SPPL2A: variants seen among roughly 807,000 people sequenced by gnomAD.
SPPL2A encodes the protein signal peptide peptidase-like 2A.
In SPPL2A, 51 loss-of-function variants were observed where a neutral mutation model predicts 63.8. The observed-to-expected ratio is 0.80, with a 90% CI of 0.64 to 1.01. SPPL2A has a LOEUF of 1.01. Ranked by LOEUF, SPPL2A falls within the 50% of genes least tolerant of loss-of-function variation. The pLI, the probability that SPPL2A is intolerant of heterozygous loss-of-function variation, is 0.00. For missense variants in SPPL2A, 553 were observed against 622.7 expected, an observed-to-expected ratio of 0.89 and a Z score of 1.19; for synonymous variants, 188 against 205.8, an observed-to-expected ratio of 0.91 and a Z score of 0.74.
chr15:50,720,168 A>G lies in SPPL2A; in HGVS notation c.1328-68T>C, dbSNP rs2062633410. On this transcript the variant is annotated intron_variant, in intron 13 of 14. Coordinates refer to ENST00000261854, the MANE Select transcript of SPPL2A (RefSeq NM_032802.4). Reference sequence around the variant, plus strand: ...CCAAAGGTGGGTTTTTTCCTCTGTCATTTATGTACTGGTTTTCAAACATTT... The same window carrying G: ...CCAAAGGTGGGTTTTTTCCTCTGTCGTTTATGTACTGGTTTTCAAACATTT... 4.9e-6 allele frequency: 6 copies of G among 1,233,432 alleles called. 1 individual carries two copies. In the South Asian group the frequency reaches 9.1e-5, roughly 19 times the overall value. The allele number at this position is 1,233,432 out of a possible 1,614,324, so 76.4% of individuals were successfully genotyped here.
At chr15:50,734,788 C>A (rs997288537) in intron 8 of SPPL2A, among the ~76,000 whole-genome samples, 1 of 151,996 alleles carries the variant, frequency 6.6e-6, no homozygotes, top group African/African-American at 2.4e-5. Flanking sequence ...ACATGTATCC[C>A]GTAAATATAT....
Position 50,702,671 on chromosome 15 carries a change from A to G in SPPL2A, c.*5129T>C, listed in dbSNP as rs1328791935. 4 of 152,246 alleles carry G rather than the reference A, an allele frequency of 2.6e-5. No individual in the cohort carries two copies. The highest frequency in any genetic ancestry group is 9.6e-5 in the African/African-American group (4 of 41,474). The allele number at this position is 152,246 out of a possible 1,614,324, so 9.4% of individuals were successfully genotyped here. A position where few individuals can be genotyped will look rare whatever the true frequency, so the allele number is the denominator to read the frequency against. ...AAGATTCATATTCCAAAGGAATAGA[A>G]AAGCTGTTTGCAATACTTTTTATGC... On this transcript the variant is annotated 3_prime_UTR_variant, in exon 15 of 15. Transcript: ENST00000261854.
At chr15:50,743,374 T>G (rs2062836834) in intron 5 of SPPL2A, 7 of 152,298 alleles carry the variant, frequency 4.6e-5, no homozygotes, top group Non-Finnish European at 4.4e-5. Context: ...GAGATAGGAT[T>G]TTGCTCTGCT....
intron 12 of SPPL2A, among the ~76,000 whole-genome samples, chr15:50,723,305 G>A (rs28831840): frequency 0.16 from 24,488 of 151,910 alleles, 2,529 homozygotes; most frequent in East Asian, 0.45. Context: ...CCCACTACTG[G>A]GTATATATCC....
At chr15:50,741,590 T>A (rs2062820777) in intron 5 of SPPL2A, among the ~76,000 whole-genome samples, 4 of 150,318 alleles carry the variant, frequency 2.7e-5, no homozygotes, top group Admixed American at 2.6e-4. Flanking sequence ...TAATTCAATA[T>A]CTATTCATAG....
rs971558655 is a variant in SPPL2A at position 50,765,520 on chromosome 15, C to T, written c.14G>A (p.Arg5Gln). 2.4e-5 allele frequency: 36 copies of T among 1,498,562 alleles called. No homozygotes were observed. Among genetic ancestry groups the T allele is most frequent in the Non-Finnish European group, 2.9e-5 (33 of 1,131,648 alleles). 92.8% of individuals were successfully genotyped at this position (1,498,562 alleles called of 1,614,324 possible). A position where few individuals can be genotyped will look rare whatever the true frequency, so the allele number is the denominator to read the frequency against. The change falls in exon 1 of 15, where the codon CGG becomes CAG. Residue 5 changes from arginine (R) to glutamine (Q), a missense_variant. Transcript: ENST00000261854. MGPQRRLSPAGAALL... is the reference protein window; with the variant it reads MGPQQRLSPAGAALL... ...GGCGGCCCCGGCAGGGGACAGCCGC[C>T]GCTGCGGCCCCATCGGACTGGTGGG...
At chr15:50,758,154 T>C (rs2141061815) in intron 1 of SPPL2A, among the ~76,000 whole-genome samples, 1 of 150,542 alleles carries the variant, frequency 6.6e-6, no homozygotes, top group Non-Finnish European at 1.5e-5. Context: ...CCAGGCAATG[T>C]GGTGGACGCC....
At chr15:50,736,779 G>A in intron 6 of SPPL2A, 39 bp from the exon 7 acceptor site, 1 of 982,736 alleles carries the variant, frequency 1.0e-6, no homozygotes, top group Admixed American at 1.9e-5. Context: ...GAGAACAGAA[G>A]GAAAGGTGAT....
chr15:50,708,755 T>C (rs2062533785), intron 14 of SPPL2A, among the ~76,000 whole-genome samples: 2 of 150,420 alleles, frequency 1.3e-5, no homozygotes, highest in Admixed American at 1.3e-4. Context: ...AATTATCAGC[T>C]GGGCACGGTG....
chr15:50,746,436 C>CAAAAAA (rs71127139), intron 5 of SPPL2A, among the ~76,000 whole-genome samples: 3 of 87,048 alleles, frequency 3.4e-5, no homozygotes, highest in African/African-American at 3.9e-5. Flanking sequence ...GACTCTGTAT[C>CAAAAAA]AAAAAAAAAA....
chr15:50,710,330 T>A (rs113570839), intron 14 of SPPL2A, among the ~76,000 whole-genome samples: 1 of 152,136 alleles, frequency 6.6e-6, no homozygotes, highest in Non-Finnish European at 1.5e-5. Flanking sequence ...AATCCCCAGG[T>A]ACCTCACTGG....
At chr15:50,740,427 C>CAAAAAAAAAAA (rs34361362) in intron 5 of SPPL2A, among the ~76,000 whole-genome samples, 5 of 60,042 alleles carry the variant, frequency 8.3e-5, no homozygotes, top group African/African-American at 1.4e-4. Context: ...AACTCCGTCT[C>CAAAAAAAAAAA]AAAAAAAAAA....
intron 5 of SPPL2A, among the ~76,000 whole-genome samples, chr15:50,743,996 G>A (rs1057486775): frequency 1.6e-4 from 24 of 151,854 alleles, no homozygotes; most frequent in African/African-American, 5.5e-4. Context: ...CCAACATGGC[G>A]AAACCCCATC....
chr15:50,753,405 T>A (rs955788034), intron 1 of SPPL2A, among the ~76,000 whole-genome samples: 22 of 152,210 alleles, frequency 1.4e-4, no homozygotes, highest in Admixed American at 1.2e-3. Flanking sequence ...TTCTCATAGA[T>A]ATTGCATAGC....
chr15:50,704,254 A>C lies in SPPL2A; in HGVS notation c.*3546T>G, dbSNP rs1357840867. 1 of 148,602 alleles carries C rather than the reference A, an allele frequency of 6.7e-6. No homozygotes were observed. Among genetic ancestry groups the C allele is most frequent in the Admixed American group, 6.8e-5 (1 of 14,662 alleles). 9.2% of individuals were successfully genotyped at this position (148,602 alleles called of 1,614,324 possible). A position where few individuals can be genotyped will look rare whatever the true frequency, so the allele number is the denominator to read the frequency against. On this transcript the variant is annotated 3_prime_UTR_variant, in exon 15 of 15. Transcript: ENST00000261854. ...CTACTCAGGAGGCTGAGTCAGGAGA[A>C]TTGCTTGAACCCGGGAGTCGGAGAT...
In SPPL2A at chr15:50,725,328, TC is replaced by T; in HGVS notation, c.1147-6del. The T allele has an allele frequency of 6.7e-7, 1 of 1,484,584 alleles. No homozygotes were observed. The highest frequency in any genetic ancestry group is 9.2e-7 in the Non-Finnish European group (1 of 1,088,744). The allele number at this position is 1,484,584 out of a possible 1,614,324, so 92.0% of individuals were successfully genotyped here. A position where few individuals can be genotyped will look rare whatever the true frequency, so the allele number is the denominator to read the frequency against. ...TACTCTGATGACTACTGGCAACTGT[TC>T]AAAAACAAAACAAAACAAAACAAAA... On this transcript the variant is annotated splice_polypyrimidine_tract_variant and splice_region_variant and intron_variant, in intron 11 of 14. Transcript: ENST00000261854.
At chr15:50,736,880 T>A (rs1403701344) in intron 6 of SPPL2A, 140 bp from the exon 7 acceptor site, 2 of 509,696 alleles carry the variant, frequency 3.9e-6, no homozygotes, top group African/African-American at 3.9e-5. Flanking sequence ...CCTGAATTAC[T>A]TACTAAGCTG....
intron 1 of SPPL2A, among the ~76,000 whole-genome samples, chr15:50,759,530 T>G (rs1264669145): frequency 1.3e-5 from 2 of 152,002 alleles, no homozygotes; most frequent in African/African-American, 2.4e-5. Context: ...GATCACAAGG[T>G]CAGGAGAACA....
At chr15:50,725,074 C>A in intron 12 of SPPL2A, 147 bp downstream of exon 12, 1 of 630,150 alleles carries the variant, frequency 1.6e-6, no homozygotes. Context: ...TACCCCTCAA[C>A]AAGCTTTTTT....
Sources: gnomAD v4.1 joint callset for allele counts (sites outside exome capture counted in the v4.1 genomes callset) on GRCh38, gnomAD v4.1.1 for gene constraint, MANE v1.5 for transcripts, NCBI Gene and HGNC (gene_info 2026-07-23, HGNC 2026-07-21) for gene names.